The following PFKM variants were observed in gnomAD, a reference collection of about 807,000 sequenced individuals.
PFKM encodes the protein ATP-dependent 6-phosphofructokinase, muscle type.
A neutral mutation model predicts 95.5 loss-of-function variants in PFKM; 58 were observed. That is an observed-to-expected ratio of 0.61 (90% CI 0.49 to 0.76). PFKM has a LOEUF of 0.76. PFKM is among the 30% of genes least tolerant of loss of function. The pLI is 0.00. For missense variants in PFKM, 678 were observed against 1,005.4 expected, an observed-to-expected ratio of 0.67 and a Z score of 4.40; for synonymous variants, 336 against 357.2, an observed-to-expected ratio of 0.94 and a Z score of 0.67.
At chr12:48,126,050 C>G (rs773555068) in intron 2 of PFKM, among the ~76,000 whole-genome samples, 1 of 152,094 alleles carries the variant, frequency 6.6e-6, no homozygotes, top group Non-Finnish European at 1.5e-5. Flanking sequence ...CCCAATATGC[C>G]GTAATTGGAG....
At chr12:48,121,040 A>G (rs750564726) in intron 1 of PFKM, among the ~76,000 whole-genome samples, 3 of 152,194 alleles carry the variant, frequency 2.0e-5, no homozygotes, top group Non-Finnish European at 4.4e-5. Context: ...AATCCCAGCT[A>G]CTCGGGAGGC....
At chr12:48,140,654 T>C in intron 13 of PFKM, 68 bp from the exon 14 acceptor site, 10 of 1,537,540 alleles carry the variant, frequency 6.5e-6, no homozygotes, top group Non-Finnish European at 9.0e-6. Context: ...TTGCCCTCCT[T>C]TACTAACCTC....
chr12:48,133,034 T>C lies in PFKM; in HGVS notation c.404T>C (p.Leu135Ser). 6.2e-7 allele frequency: 1 copy of C among 1,614,166 alleles called. No homozygotes were observed. Among genetic ancestry groups the C allele is most frequent in the Non-Finnish European group, 8.5e-7 (1 of 1,180,014 alleles). ...ACCTTCCGTTCTGAGTGGAGTGACT[T>C]GTTGAGTGACCTCCAGAAAGCAGGT... ...ADTFRSEWSD[L>S]LSDLQKAGKI... Residue 135 changes from leucine (L) to serine (S), a missense_variant, in exon 5 of 23, where the codon TTG becomes TCG. Physicochemically the swap from Leu to Ser is moderately radical, Grantham distance 145. Coordinates refer to ENST00000359794, the MANE Select transcript of PFKM (RefSeq NM_000289.6).
chr12:48,105,929 G>A (rs545052559), exon 1 of PFKM: 8 of 675,194 alleles, frequency 1.2e-5, no homozygotes, highest in South Asian at 1.1e-4. Context: ...CCCCGCTTCC[G>A]CCCAGTCCAG....
At chr12:48,126,205 G>A (rs932320169) in intron 2 of PFKM, among the ~76,000 whole-genome samples, 1 of 152,206 alleles carries the variant, frequency 6.6e-6, no homozygotes, top group Non-Finnish European at 1.5e-5. Flanking sequence ...AGGGCAACAT[G>A]GAACAGCCAA....
intron 12 of PFKM, 81 bp from the exon 13 acceptor site, chr12:48,139,768 A>G: frequency 1.0e-6 from 1 of 966,164 alleles, no homozygotes; most frequent in Non-Finnish European, 1.7e-6. Flanking sequence ...TCTGGGAGCA[A>G]CACTTCAGAC....
intron 17 of PFKM, chr12:48,142,516 G>GTTTTTTTT: frequency 4.7e-6 from 2 of 423,100 alleles, no homozygotes; most frequent in Non-Finnish European, 4.2e-6. Context: ...TGTTTTGTTT[G>GTTTTTTTT]TTTTTTTTTT....
At chr12:48,111,448 A>G (rs1947177921) in intron 3 of PFKM, among the ~76,000 whole-genome samples, 1 of 152,226 alleles carries the variant, frequency 6.6e-6, no homozygotes, top group Non-Finnish European at 1.5e-5. Context: ...ATGTAACAGC[A>G]TGGTGGTGCA....
At chr12:48,109,292 C>A (rs1225705604) in intron 3 of PFKM, among the ~76,000 whole-genome samples, 1 of 152,078 alleles carries the variant, frequency 6.6e-6, no homozygotes, top group East Asian at 1.9e-4. Flanking sequence ...CTGCTCAGAG[C>A]CAGCTTTTCT....
chr12:48,145,250 G>A lies in PFKM; in HGVS notation c.2133G>A (p.Leu711=). 6.2e-7 allele frequency: 1 copy of A among 1,614,126 alleles called. No individual in the cohort carries two copies. Among genetic ancestry groups the A allele is most frequent in the Non-Finnish European group, 8.5e-7 (1 of 1,180,010 alleles). Reference sequence around the variant, plus strand: ...ATACTCCAGATTCGGGCTGTGTTCTGGGGATGCGTAAGAGGGCTCTGGTCT... The same window carrying A: ...ATACTCCAGATTCGGGCTGTGTTCTAGGGATGCGTAAGAGGGCTCTGGTCT... ...FANTPDSGCV[L]GMRKRALVFQ... The change falls in exon 22 of 23, where the codon CTG becomes CTA. Residue 711 remains leucine, a synonymous_variant. Coordinates refer to ENST00000359794, the MANE Select transcript of PFKM (RefSeq NM_000289.6). The surrounding 1 kb of genome is among the most constrained non-coding windows in gnomAD (Gnocchi z 4.3).
chr12:48,121,694 A>C (rs1200042685), intron 1 of PFKM, among the ~76,000 whole-genome samples: 2 of 152,194 alleles, frequency 1.3e-5, no homozygotes, highest in Admixed American at 6.5e-5. Flanking sequence ...TGTCTAATAG[A>C]GTGAAGAAAG....
At chr12:48,110,723 AAT>A (rs1389722281) in intron 3 of PFKM, among the ~76,000 whole-genome samples, 13 of 152,070 alleles carry the variant, frequency 8.5e-5, no homozygotes, top group Non-Finnish European at 1.3e-4. Context: ...AGAAAAATGG[AAT>A]ATATTTCTTT....
In PFKM at chr12:48,145,054, T is replaced by C; in HGVS notation, c.2016T>C (p.Asp672=). Residue 672 remains aspartate, a synonymous_variant, in exon 21 of 23, where the codon GAT becomes GAC. Transcript: ENST00000359794. The surrounding 1 kb of genome is among the most constrained non-coding windows in gnomAD (Gnocchi z 4.3). The part of the protein sequence containing the change: ...MQQGGSPTPF[D]RNFATKMGAK... ...AGGGTGGGAGCCCAACCCCATTTGATAGGAATTTTGCCACTAAGATGGGCG... is the reference window on the plus strand; with the variant it reads ...AGGGTGGGAGCCCAACCCCATTTGACAGGAATTTTGCCACTAAGATGGGCG... 6.2e-7 allele frequency: 1 copy of C among 1,614,002 alleles called. No homozygotes were observed. The highest frequency in any genetic ancestry group is 8.5e-7 in the Non-Finnish European group (1 of 1,179,836).
intron 3 of PFKM, among the ~76,000 whole-genome samples, chr12:48,112,598 A>G (rs1432258470): frequency 6.6e-6 from 1 of 152,164 alleles, no homozygotes; most frequent in East Asian, 1.9e-4. Flanking sequence ...TAGTAAAGAA[A>G]GCATGTTTGA....
Position 48,140,895 on chromosome 12 carries a change from A to G in PFKM, c.1341+24A>G, listed in dbSNP as rs112610146. On this transcript the variant is annotated intron_variant, in intron 14 of 22. Transcript: ENST00000359794. ...AGGTATGGGGACTATTCTGGGACCT[A>G]GGAGCAGTCATGGGGAAGATAAGTG... 8.6e-5 allele frequency: 139 copies of G among 1,613,418 alleles called. No homozygotes were observed. In the African/African-American group the frequency reaches 1.5e-3, roughly 18 times the overall value.
At position 48,131,377 on chromosome 12, in the gene PFKM, C is replaced by T. The variant is rs766431669; in HGVS notation, c.221C>T (p.Ser74Leu). 5.0e-6 allele frequency: 8 copies of T among 1,611,632 alleles called. No individual in the cohort carries two copies. Among genetic ancestry groups the T allele is most frequent in the South Asian group, 2.2e-5 (2 of 91,012 alleles). The change falls in exon 4 of 23, where the codon TCG (serine) becomes TTG (leucine). Residue 74 changes from serine (S) to leucine (L), a missense_variant. Coordinates refer to ENST00000359794, the MANE Select transcript of PFKM (RefSeq NM_000289.6). ...HIKEATWESV[S>L]MMLQLGGTVI... Reference sequence around the variant, plus strand: ...AAGGAAGCCACCTGGGAGAGCGTTTCGATGATGCTTCAGCTGGTATGTTCC... The same window carrying T: ...AAGGAAGCCACCTGGGAGAGCGTTTTGATGATGCTTCAGCTGGTATGTTCC...
intron 2 of PFKM, among the ~76,000 whole-genome samples, chr12:48,124,235 G>A (rs772034918): frequency 6.6e-5 from 10 of 152,204 alleles, no homozygotes; most frequent in African/African-American, 9.7e-5. Flanking sequence ...GGAGGTCTGA[G>A]TTTAGGAATA....
intron 9 of PFKM, 72 bp from the exon 10 acceptor site, chr12:48,135,219 C>T: frequency 7.3e-7 from 1 of 1,361,710 alleles, no homozygotes; most frequent in Admixed American, 1.7e-5. Context: ...CCATGGTTTA[C>T]CCAAGTCTCT....
At chr12:48,139,465 T>G (rs1950394984) in intron 12 of PFKM, 116 bp downstream of exon 12, 1 of 813,310 alleles carries the variant, frequency 1.2e-6, no homozygotes, top group African/African-American at 1.7e-5. Flanking sequence ...TTTCTGATTC[T>G]CTCTGCAGCA....
Sources: allele counts gnomAD v4.1 joint callset (sites outside exome capture counted in the v4.1 genomes callset), GRCh38; gene constraint gnomAD v4.1.1; non-coding constraint Gnocchi (gnomAD v3.1); transcripts MANE v1.5; gene names NCBI Gene and HGNC (gene_info 2026-07-23, HGNC 2026-07-21).